STAMBPL1: variants seen among roughly 807,000 people sequenced by gnomAD.
STAMBPL1 encodes the protein STAM binding protein like 1.
In STAMBPL1, 44 loss-of-function variants were observed where a neutral mutation model predicts 52.9. The ratio of observed to expected loss-of-function variants is 0.83; its 90% CI spans 0.65 to 1.07. The LOEUF is 1.07. Among genes scored for constraint, STAMBPL1 ranks in the 50% least tolerant of loss-of-function variants. The pLI is 0.00. For missense variants in STAMBPL1, 511 were observed against 520.8 expected, an observed-to-expected ratio of 0.98 and a Z score of 0.18; for synonymous variants, 164 against 177.3, an observed-to-expected ratio of 0.92 and a Z score of 0.60.
Position 88,921,467 on chromosome 10 carries a change from A to C in STAMBPL1, c.1154+72A>C, listed in dbSNP as rs536547659. On this transcript the variant is annotated intron_variant, in intron 9 of 10. Transcript: ENST00000371926. ...CTGCTGGGTTCCTGTGTGTCCAGAC[A>C]CCAGGTTGTGGTACTTGGATTGGCA... 2.2e-5 allele frequency: 27 copies of C among 1,241,694 alleles called. No homozygotes were observed. The African/African-American group carries it at 3.9e-4, about 18-fold the overall frequency. The allele number at this position is 1,241,694 out of a possible 1,614,324, so 76.9% of individuals were successfully genotyped here. A position where few individuals can be genotyped will look rare whatever the true frequency, so the allele number is the denominator to read the frequency against.
At chr10:88,893,048 G>A (rs1844726548) in intron 1 of STAMBPL1, among the ~76,000 whole-genome samples, 6 of 152,150 alleles carry the variant, frequency 3.9e-5, no homozygotes, top group Admixed American at 3.9e-4. Context: ...GTACATTAAA[G>A]TTTAGTGCCT....
At chr10:88,902,436 C>T (rs1844966283) in intron 2 of STAMBPL1, among the ~76,000 whole-genome samples, 1 of 152,210 alleles carries the variant, frequency 6.6e-6, no homozygotes, top group Admixed American at 6.5e-5. Flanking sequence ...CCTCCCCAGC[C>T]ACTCATGGTG....
At chr10:88,913,948 A>G (rs1458150009) in intron 6 of STAMBPL1, among the ~76,000 whole-genome samples, 2 of 152,192 alleles carry the variant, frequency 1.3e-5, no homozygotes, top group South Asian at 2.1e-4. Flanking sequence ...TGTTTCCGCA[A>G]GAATTAGTGC....
At position 88,881,567 on chromosome 10, in the gene STAMBPL1, A is replaced by G. The variant is rs556175475; in HGVS notation, c.-54+929A>G. 3.3e-5 allele frequency among the ~76,000 whole-genome samples: 5 copies of G among 152,386 alleles called. No individual in the cohort carries two copies. In the South Asian group the frequency reaches 6.2e-4, roughly 19 times the overall value. On this transcript the variant is annotated intron_variant, in intron 1 of 10. Coordinates refer to ENST00000371926, the MANE Select transcript of STAMBPL1 (RefSeq NM_020799.4). ...TGGATTTTAAGCTATTTCCGAAGACATAATAGATATCACTAGGATGCTTGT... is the reference window on the plus strand; with the variant it reads ...TGGATTTTAAGCTATTTCCGAAGACGTAATAGATATCACTAGGATGCTTGT...
intron 1 of STAMBPL1, among the ~76,000 whole-genome samples, chr10:88,887,475 C>T (rs1017079498): frequency 4.6e-5 from 7 of 152,112 alleles, no homozygotes; most frequent in African/African-American, 1.7e-4. Context: ...AAAATGTCCT[C>T]CATCCCACCC....
chr10:88,922,680 C>T (rs1169205312), intron 10 of STAMBPL1, among the ~76,000 whole-genome samples: 4 of 151,996 alleles, frequency 2.6e-5, no homozygotes, highest in African/African-American at 4.8e-5. Context: ...GTTACCTTTC[C>T]GCTTATGTAT....
chr10:88,910,693 G>A (rs1035255407), intron 4 of STAMBPL1, among the ~76,000 whole-genome samples: 1 of 152,190 alleles, frequency 6.6e-6, no homozygotes, highest in East Asian at 1.9e-4. Flanking sequence ...TATCCAATCA[G>A]TGGGGCCAAT....
intron 1 of STAMBPL1, among the ~76,000 whole-genome samples, chr10:88,884,039 A>C (rs1844470169): frequency 6.6e-6 from 1 of 152,192 alleles, no homozygotes; most frequent in Admixed American, 6.5e-5. Flanking sequence ...GGGTAATAAT[A>C]ATGCAAATTT....
chr10:88,910,822 A>C, intron 4 of STAMBPL1, 94 bp from the exon 5 acceptor site: 2 of 785,852 alleles, frequency 2.5e-6, no homozygotes, highest in Non-Finnish European at 4.0e-6. Context: ...CTTTATTTGC[A>C]GTATACCTAC....
intron 1 of STAMBPL1, among the ~76,000 whole-genome samples, chr10:88,888,603 C>T (rs1159957089): frequency 1.3e-5 from 2 of 152,168 alleles, no homozygotes; most frequent in Non-Finnish European, 2.9e-5. Flanking sequence ...ATGAAGGCCA[C>T]CTAGCTCAGC....
At chr10:88,919,821 G>GA (rs938716754) in intron 8 of STAMBPL1, among the ~76,000 whole-genome samples, 5 of 147,056 alleles carry the variant, frequency 3.4e-5, no homozygotes, top group Admixed American at 6.8e-5. Context: ...TATTAAAGCC[G>GA]AAAAAAAACG....
In STAMBPL1 at chr10:88,913,338, A is replaced by G; in HGVS notation, c.658A>G (p.Asn220Asp). 2 of 1,613,926 alleles carry G rather than the reference A, an allele frequency of 1.2e-6. No homozygotes were observed. Among genetic ancestry groups the G allele is most frequent in the Non-Finnish European group, 1.7e-6 (2 of 1,179,852 alleles). The change falls in exon 6 of 11, where the codon AAT becomes GAT. Residue 220 changes from asparagine (N) to aspartate (D), a missense_variant. Transcript: ENST00000371926. The stretch of plus-strand genomic sequence containing the variant: ...GTCCTGCTTTTCCACACACCAGAAC[A>G]ATTCCTTGCTGAATGTATTTGCAGA... ...ALSCFSTHQN[N>D]SLLNVFADQP...
At chr10:88,908,608 T>A in intron 3 of STAMBPL1, 94 bp from the exon 4 acceptor site, 1 of 1,016,928 alleles carries the variant, frequency 9.8e-7, no homozygotes, top group South Asian at 1.5e-5. Context: ...ATTAAACATG[T>A]CATTTTTGAA....
rs1589360659 is a variant in STAMBPL1, at chr10:88,897,759, C to A, written c.-53-3897C>A. On this transcript the variant is annotated intron_variant, in intron 1 of 10. Transcript: ENST00000371926. ...AATGATAGAGCCTAGACTCAACACC[C>A]AGGCTTATCTCACTCCAAAGGCTGT... Among the ~76,000 whole-genome samples the A allele has an allele frequency of 2.6e-5, 4 of 152,302 alleles. No homozygotes were observed. The East Asian group carries it at 7.7e-4, about 29-fold the overall frequency.
chr10:88,904,440 G>A (rs1366772011), intron 2 of STAMBPL1, among the ~76,000 whole-genome samples: 7 of 152,180 alleles, frequency 4.6e-5, no homozygotes, highest in African/African-American at 1.7e-4. Flanking sequence ...GTCTAAAGCA[G>A]GGGTCAGCAA....
At chr10:88,908,799 A>G in intron 4 of STAMBPL1, 22 bp downstream of exon 4, 3 of 1,578,038 alleles carry the variant, frequency 1.9e-6, no homozygotes, top group South Asian at 1.1e-5. Context: ...TTTCTTCTCC[A>G]CTGTGGAATC....
intron 7 of STAMBPL1, among the ~76,000 whole-genome samples, chr10:88,915,504 A>G: frequency 6.6e-6 from 1 of 152,200 alleles, no homozygotes; most frequent in East Asian, 1.9e-4. Flanking sequence ...TGTTGCACTT[A>G]AGGGGACAGT....
chr10:88,905,612 A>G lies in STAMBPL1; in HGVS notation c.200A>G (p.Glu67Gly). ...EMERMASVYL[E>G]EGNLENAFVL... is the part of the protein sequence containing the mutation. ...GAGAGGATGGCGTCTGTGTATTTGGAAGAAGGAAATTTGGAAAATGCCTTT... is the reference window on the plus strand; with the variant it reads ...GAGAGGATGGCGTCTGTGTATTTGGGAGAAGGAAATTTGGAAAATGCCTTT... Residue 67 changes from glutamate (E) to glycine (G), a missense_variant, in exon 3 of 11, where the codon GAA (glutamate) becomes GGA (glycine). Transcript: ENST00000371926. The G allele has an allele frequency of 6.2e-7, 1 of 1,614,116 alleles. No homozygotes were observed. The highest frequency in any genetic ancestry group is 8.5e-7 in the Non-Finnish European group (1 of 1,179,994).
intron 2 of STAMBPL1, among the ~76,000 whole-genome samples, chr10:88,902,335 A>T (rs1364413918): frequency 6.6e-6 from 1 of 150,890 alleles, no homozygotes. Context: ...TTGCTCAATG[A>T]CAATTGGAAA....
Sources: allele counts gnomAD v4.1 joint callset (sites outside exome capture counted in the v4.1 genomes callset), GRCh38; gene constraint gnomAD v4.1.1; transcripts MANE v1.5; gene names NCBI Gene and HGNC (gene_info 2026-07-23, HGNC 2026-07-21).